The following ADCY9 variants were observed in gnomAD, a reference collection of about 807,000 sequenced individuals.
The protein encoded by ADCY9 is adenylate cyclase type 9.
In ADCY9, 50 loss-of-function variants were observed where a neutral mutation model predicts 101.5. That is an observed-to-expected ratio of 0.49 (90% CI 0.39 to 0.62). ADCY9 has a LOEUF of 0.62. Among genes scored for constraint, ADCY9 ranks in the 20% least tolerant of loss-of-function variants. The pLI, the probability that ADCY9 is intolerant of heterozygous loss-of-function variation, is 0.00. For synonymous variants in ADCY9, 905 were observed against 769.3 expected (o/e 1.18, Z -2.92); for missense variants, 1,662 against 1,800.4 (o/e 0.92, Z 1.39).
At position 4,115,561 on chromosome 16, in the gene ADCY9, T is replaced by TC; in HGVS notation, c.-43-77dup. ...CCTAGAGGCCCGGGACCTGCTCCTG[T>TC]CCTAAGGGGCGGCTCCAGCACGCGA... On this transcript the variant is annotated intron_variant, in intron 1 of 10. Transcript: ENST00000294016. The surrounding 1 kb of genome is among the most constrained non-coding windows in gnomAD (Gnocchi z 6.2). 1 of 1,278,572 alleles carries TC rather than the reference T, an allele frequency of 7.8e-7. No individual in the cohort carries two copies. The highest frequency in any genetic ancestry group is 1.0e-6 in the Non-Finnish European group (1 of 956,928). 79.2% of individuals were successfully genotyped at this position (1,278,572 alleles called of 1,614,324 possible).
At chr16:4,105,126 C>T (rs532263449) in intron 2 of ADCY9, among the ~76,000 whole-genome samples, 2 of 151,724 alleles carry the variant, frequency 1.3e-5, no homozygotes, top group African/African-American at 2.4e-5. Context: ...AAGAGATTTG[C>T]AAAAATGTAT....
intron 2 of ADCY9, among the ~76,000 whole-genome samples, chr16:4,057,035 A>ACCCCCCCCCC (rs1326474279): frequency 1.3e-5 from 1 of 78,952 alleles, no homozygotes; most frequent in African/African-American, 5.0e-5. Context: ...TACTGATGAA[A>ACCCCCCCCCC]CCGCCCCCCC....
chr16:4,085,224 T>C (rs2056930158), intron 2 of ADCY9, among the ~76,000 whole-genome samples: 1 of 152,018 alleles, frequency 6.6e-6, no homozygotes, highest in South Asian at 2.1e-4. Flanking sequence ...TAGCGGGGCA[T>C]GGTGGCGCAT....
At chr16:4,100,800 G>C (rs1005131832) in intron 2 of ADCY9, among the ~76,000 whole-genome samples, 1 of 150,732 alleles carries the variant, frequency 6.6e-6, no homozygotes, top group South Asian at 2.1e-4. Flanking sequence ...GGTATAGAAA[G>C]GGAAAGAACC....
At chr16:4,078,141 A>C (rs1324725149) in intron 2 of ADCY9, among the ~76,000 whole-genome samples, 2 of 152,228 alleles carry the variant, frequency 1.3e-5, no homozygotes, top group Non-Finnish European at 2.9e-5. Context: ...CTATGCATTT[A>C]ACCGAAACAA....
At chr16:3,954,928 G>A (rs990998601) in intron 5 of ADCY9, among the ~76,000 whole-genome samples, 8 of 152,100 alleles carry the variant, frequency 5.3e-5, no homozygotes, top group African/African-American at 1.9e-4. Flanking sequence ...CAAACTTAGC[G>A]TACTAGAACA....
At chr16:3,978,649 G>A (rs1013302268) in intron 8 of ADCY9, among the ~76,000 whole-genome samples, 6 of 152,264 alleles carry the variant, frequency 3.9e-5, no homozygotes, top group Non-Finnish European at 5.9e-5. Flanking sequence ...CCAATGCTAA[G>A]TCGGCTTCTA....
At chr16:4,052,148 C>T (rs2056705726) in intron 2 of ADCY9, among the ~76,000 whole-genome samples, 1 of 152,136 alleles carries the variant, frequency 6.6e-6, no homozygotes, top group African/African-American at 2.4e-5. Flanking sequence ...CCAGCCCAAA[C>T]CGAGGGACAT....
At chr16:4,028,151 T>C (rs1346660580) in intron 2 of ADCY9, among the ~76,000 whole-genome samples, 1 of 152,180 alleles carries the variant, frequency 6.6e-6, no homozygotes, top group Admixed American at 6.5e-5. Flanking sequence ...AACCTATACA[T>C]GTGTTATGAT....
chr16:4,087,026 A>G (rs1485843991), intron 2 of ADCY9, among the ~76,000 whole-genome samples: 1 of 151,940 alleles, frequency 6.6e-6, no homozygotes, highest in Non-Finnish European at 1.5e-5. Flanking sequence ...CCATCCTAGG[A>G]GCTCACCTGA....
At chr16:3,972,864 G>A (rs2056064666) in intron 10 of ADCY9, among the ~76,000 whole-genome samples, 1 of 151,968 alleles carries the variant, frequency 6.6e-6, no homozygotes, top group Non-Finnish European at 1.5e-5. Context: ...TGTGTTCTCT[G>A]GTGAAAATGC....
At chr16:4,061,373 C>A (rs1021455948) in intron 2 of ADCY9, among the ~76,000 whole-genome samples, 2 of 152,134 alleles carry the variant, frequency 1.3e-5, no homozygotes, top group Middle Eastern at 3.4e-3. Flanking sequence ...AAAGTAAGCT[C>A]AAAAAACTCC....
At chr16:4,028,515 C>T (rs116700678) in intron 2 of ADCY9, among the ~76,000 whole-genome samples, 3,783 of 152,228 alleles carry the variant, frequency 0.025, 167 homozygotes, top group African/African-American at 0.086. Context: ...TACAATAGTG[C>T]ATGATTCCAA....
intron 2 of ADCY9, among the ~76,000 whole-genome samples, chr16:4,110,197 G>C (rs1388351371): frequency 6.6e-6 from 1 of 152,218 alleles, no homozygotes; most frequent in Non-Finnish European, 1.5e-5. Flanking sequence ...CCGAGCCCAA[G>C]AGGGTTCTTG....
intron 2 of ADCY9, among the ~76,000 whole-genome samples, chr16:4,032,283 C>T (rs1470437317): frequency 7.3e-5 from 11 of 150,142 alleles, no homozygotes; most frequent in African/African-American, 2.2e-4. Flanking sequence ...AGCAAGACTC[C>T]ATCTCAAAAA....
intron 10 of ADCY9, among the ~76,000 whole-genome samples, chr16:3,972,074 C>T (rs1597135832): frequency 6.6e-6 from 1 of 152,156 alleles, no homozygotes; most frequent in East Asian, 1.9e-4. Flanking sequence ...AAGGGGGCTG[C>T]CTCGCAACAG....
chr16:3,979,764 TG>T (rs1432583701), intron 7 of ADCY9, among the ~76,000 whole-genome samples: 4 of 152,214 alleles, frequency 2.6e-5, no homozygotes, highest in Admixed American at 6.5e-5. Context: ...GTCCTGCATG[TG>T]GGCAGGTGCC....
chr16:4,037,616 C>T (rs2056598586), intron 2 of ADCY9, among the ~76,000 whole-genome samples: 1 of 152,030 alleles, frequency 6.6e-6, no homozygotes, highest in Non-Finnish European at 1.5e-5. Context: ...CCAGTAAGAC[C>T]CCACTTCTTA....
intron 2 of ADCY9, among the ~76,000 whole-genome samples, chr16:4,059,049 A>G (rs568765674): frequency 1.5e-3 from 228 of 152,262 alleles, no homozygotes; most frequent in Middle Eastern, 6.8e-3. Flanking sequence ...ATACATTTCT[A>G]TATTGCCAAA....
Sources: allele counts gnomAD v4.1 joint callset (sites outside exome capture counted in the v4.1 genomes callset), GRCh38; gene constraint gnomAD v4.1.1; non-coding constraint Gnocchi (gnomAD v3.1); transcripts MANE v1.5; gene names NCBI Gene and HGNC (gene_info 2026-07-23, HGNC 2026-07-21).